Variants in SYK observed in about 807,000 individuals in gnomAD.
SYK encodes the protein spleen associated tyrosine kinase.
Under a neutral mutation model 77.8 loss-of-function variants are expected in SYK, and 16 were observed. The ratio of observed to expected loss-of-function variants is 0.21; its 90% CI spans 0.14 to 0.31. The LOEUF is 0.31. SYK is among the 10% of genes least tolerant of loss of function. The probability of loss-of-function intolerance (pLI) is 1.00; values close to 1 mark genes in which losing one functional copy is unlikely to be tolerated. For missense variants in SYK, 529 were observed against 814.4 expected, an observed-to-expected ratio of 0.65 and a Z score of 4.26; for synonymous variants, 312 against 308.7, an observed-to-expected ratio of 1.01 and a Z score of -0.11.
intron 13 of SYK, among the ~76,000 whole-genome samples, chr9:90,891,514 G>A (rs942953215): frequency 1.3e-5 from 2 of 152,062 alleles, no homozygotes; most frequent in African/African-American, 4.8e-5. Context: ...ACAGCTGCCG[G>A]CATTTACCTA....
intron 3 of SYK, 38 bp from the exon 4 acceptor site, chr9:90,862,168 C>A (rs200019749): frequency 1.3e-6 from 2 of 1,562,786 alleles, no homozygotes; most frequent in East Asian, 2.3e-5. Flanking sequence ...TGGAGACTGG[C>A]GGGCCTGGGG....
At chr9:90,851,006 A>G (rs950254485) in intron 3 of SYK, among the ~76,000 whole-genome samples, 3 of 152,198 alleles carry the variant, frequency 2.0e-5, no homozygotes, top group Admixed American at 6.5e-5. Flanking sequence ...TATATGTGAA[A>G]TCCACTTACA....
At chr9:90,845,249 T>A (rs906191233) in intron 2 of SYK, among the ~76,000 whole-genome samples, 185 bp from the exon 3 acceptor site, 2 of 152,242 alleles carry the variant, frequency 1.3e-5, no homozygotes, top group African/African-American at 4.8e-5. Context: ...TTATTTTTAT[T>A]TATACACTTG....
At position 90,878,922 on chromosome 9, in the gene SYK, A is replaced by G. The variant is rs1781790468; in HGVS notation, c.1550A>G (p.Lys517Arg). ...YAKISDFGLS[K>R]ALRADENYYK... The stretch of plus-strand genomic sequence containing the variant: ...AAGATCAGTGATTTCGGACTTTCCA[A>G]AGCACTGCGTGCTGATGAAAACTAC... The change falls in exon 11 of 14, where the codon AAA becomes AGA. Residue 517 changes from lysine (K) to arginine (R), a missense_variant. Coordinates refer to ENST00000375754, the MANE Select transcript of SYK (RefSeq NM_003177.7). 2 of 1,613,688 alleles carry G rather than the reference A, an allele frequency of 1.2e-6. No individual in the cohort carries two copies. Among genetic ancestry groups the G allele is most frequent in the Non-Finnish European group, 8.5e-7 (1 of 1,179,702 alleles).
chr9:90,867,567 G>GTTCT (rs1282765339), intron 7 of SYK, among the ~76,000 whole-genome samples: 2 of 152,212 alleles, frequency 1.3e-5, no homozygotes, highest in Admixed American at 1.3e-4. Context: ...GTGTTGCAGT[G>GTTCT]TTCTGGTAAT....
In SYK at chr9:90,810,887, TC is replaced by T. The variant is rs546004763; in HGVS notation, c.-42+8996del. ...GACCCAGATAATATGCAGGCATGGG[TC>T]CAAGGGAGGCTTTGCACACCAGGCG... On this transcript the variant is annotated intron_variant, in intron 1 of 13. Transcript: ENST00000375754. 2.3e-3 allele frequency among the ~76,000 whole-genome samples: 349 copies of T among 152,076 alleles called. 3 individuals are homozygous for T. The highest frequency in any genetic ancestry group is 8.1e-3 in the African/African-American group (335 of 41,480).
intron 3 of SYK, among the ~76,000 whole-genome samples, chr9:90,852,793 C>T (rs1019053710): frequency 2.0e-5 from 3 of 152,198 alleles, no homozygotes; most frequent in African/African-American, 7.2e-5. Flanking sequence ...ACAAAATAGG[C>T]ATGTTTTCAA....
intron 4 of SYK, among the ~76,000 whole-genome samples, chr9:90,863,109 G>T (rs925747209): frequency 2.6e-5 from 4 of 152,298 alleles, no homozygotes; most frequent in Admixed American, 6.5e-5. Context: ...TCCCTGAATC[G>T]CAGTGAGCAC....
chr9:90,865,885 T>C (rs1340102066), intron 6 of SYK, among the ~76,000 whole-genome samples: 4 of 134,318 alleles, frequency 3.0e-5, no homozygotes, highest in South Asian at 4.8e-4. Flanking sequence ...TGGGGCTACA[T>C]ATGGCCTTTT....
chr9:90,896,238 T>C lies in SYK; in HGVS notation c.*638T>C, dbSNP rs113580142. On this transcript the variant is annotated 3_prime_UTR_variant, in exon 14 of 14. Coordinates refer to ENST00000375754, the MANE Select transcript of SYK (RefSeq NM_003177.7). ...AAAGGCCTGGATACTGCTTTTGCTG[T>C]CTCTGTTATGAGATGGAAGACTTAC... is the stretch of plus-strand genomic sequence containing the variant. 4.3e-4 allele frequency: 100 copies of C among 233,106 alleles called. No individual in the cohort carries two copies. The highest frequency in any genetic ancestry group is 2.0e-3 in the African/African-American group (91 of 45,406). The allele number at this position is 233,106 out of a possible 1,614,324, so 14.4% of individuals were successfully genotyped here.
Position 90,897,663 on chromosome 9 carries a change from C to A in SYK, c.*2063C>A, listed in dbSNP as rs202076504. The A allele has an allele frequency of 8.9e-6, 2 of 225,476 alleles. No individual in the cohort carries two copies. Among genetic ancestry groups the A allele is most frequent in the Non-Finnish European group, 1.8e-5 (2 of 113,228 alleles). 14.0% of individuals were successfully genotyped at this position (225,476 alleles called of 1,614,324 possible). On this transcript the variant is annotated 3_prime_UTR_variant, in exon 14 of 14. Transcript: ENST00000375754. ...TTGGCCTTTTTATCAGCACTTCTCC[C>A]CTCCCAGGAGCCTGGGGATGCCAAA...
At chr9:90,848,809 A>G (rs1276144485) in intron 3 of SYK, among the ~76,000 whole-genome samples, 2 of 152,234 alleles carry the variant, frequency 1.3e-5, no homozygotes, top group Non-Finnish European at 2.9e-5. Context: ...GACGCTGAAC[A>G]ATAGGAAAGA....
intron 1 of SYK, among the ~76,000 whole-genome samples, chr9:90,818,114 A>G (rs1423548950): frequency 1.3e-5 from 2 of 152,110 alleles, no homozygotes; most frequent in Non-Finnish European, 2.9e-5. Flanking sequence ...ACATAGCTGC[A>G]TTGGGCTCCG....
intron 1 of SYK, among the ~76,000 whole-genome samples, chr9:90,825,284 T>C (rs1349400670): frequency 1.3e-5 from 2 of 152,228 alleles, no homozygotes; most frequent in African/African-American, 4.8e-5. Flanking sequence ...GTTGTTAAAA[T>C]GTTCATTCTG....
rs148356043 is a variant in SYK at position 90,804,485 on chromosome 9, T to G, written c.-42+2592T>G. On this transcript the variant is annotated intron_variant, in intron 1 of 13. Coordinates refer to ENST00000375754, the MANE Select transcript of SYK (RefSeq NM_003177.7). ...TAATTTTTACTTTCTCAACTTTCCCTGTATAGATTTTTTTCCAGCTACCCC... is the reference window on the plus strand; with the variant it reads ...TAATTTTTACTTTCTCAACTTTCCCGGTATAGATTTTTTTCCAGCTACCCC... Among the ~76,000 whole-genome samples the G allele has an allele frequency of 1.8e-3, 269 of 152,364 alleles. 8 individuals carry two copies. Among genetic ancestry groups the G allele is most frequent in the Admixed American group, 0.016 (239 of 15,302 alleles).
At chr9:90,826,858 G>A (rs1450911669) in intron 1 of SYK, among the ~76,000 whole-genome samples, 1 of 152,194 alleles carries the variant, frequency 6.6e-6, no homozygotes, top group Non-Finnish European at 1.5e-5. Context: ...AGCACCATGA[G>A]CAGCTGTCTG....
Position 90,844,121 on chromosome 9 carries a change from G to A in SYK, c.223G>A (p.Ala75Thr), listed in dbSNP as rs570398843. Residue 75 changes from alanine (A) to threonine (T), a missense_variant, in exon 2 of 14, where the codon GCC (alanine) becomes ACC (threonine). By Grantham distance (58) the Ala-to-Thr change is moderately conservative. This residue lies in a region of SYK where 321 missense variants were observed against 433.1 expected (regional missense o/e 0.74). Coordinates refer to ENST00000375754, the MANE Select transcript of SYK (RefSeq NM_003177.7). ...TIERELNGTY[A>T]IAGGRTHASP... ...CGAGCGGGAGCTGAATGGCACCTAC[G>A]CCATCGCCGGTGGCAGGACCCATGC... The A allele has an allele frequency of 5.6e-6, 9 of 1,613,780 alleles. No individual in the cohort carries two copies. Among genetic ancestry groups the A allele is most frequent in the South Asian group, 5.5e-5 (5 of 91,042 alleles).
rs1587934862 is a variant in SYK at position 90,895,683 on chromosome 9, A to G, written c.*83A>G. Reference sequence around the variant, plus strand: ...TATCCAGAGGAATTGATTGTCAGCCACCTCCCTCTGCCAGTCGGGAGAGCC... The same window carrying G: ...TATCCAGAGGAATTGATTGTCAGCCGCCTCCCTCTGCCAGTCGGGAGAGCC... On this transcript the variant is annotated 3_prime_UTR_variant, in exon 14 of 14. Transcript: ENST00000375754. This position sits in a 1 kb window ranked among gnomAD's most constrained non-coding sequence, Gnocchi z 4.4. 8 of 1,327,624 alleles carry G rather than the reference A, an allele frequency of 6.0e-6. No homozygotes were observed. In the East Asian group the frequency reaches 1.9e-4, roughly 31 times the overall value. The allele number at this position is 1,327,624 out of a possible 1,614,324, so 82.2% of individuals were successfully genotyped here.
chr9:90,879,487 C>T (rs975862290), intron 11 of SYK, among the ~76,000 whole-genome samples: 2 of 152,136 alleles, frequency 1.3e-5, no homozygotes, highest in Non-Finnish European at 2.9e-5. Flanking sequence ...TTCAGAGCTC[C>T]AATATTGCAG....
Sources: gnomAD v4.1 joint callset for allele counts (sites outside exome capture counted in the v4.1 genomes callset) on GRCh38, gnomAD v4.1.1 for gene constraint, gnomAD v4.1.1 regional missense constraint, Gnocchi (gnomAD v3.1) non-coding constraint, MANE v1.5 for transcripts, NCBI Gene and HGNC (gene_info 2026-07-23, HGNC 2026-07-21) for gene names.